The following SNX8 variants were observed in gnomAD, a reference collection of about 807,000 sequenced individuals.
The protein encoded by SNX8 is sorting nexin-8.
A neutral mutation model predicts 51.6 loss-of-function variants in SNX8; 25 were observed. The observed-to-expected ratio is 0.48, with a 90% CI of 0.35 to 0.68. SNX8 has a LOEUF of 0.68. Among genes scored for constraint, SNX8 ranks in the 30% least tolerant of loss-of-function variants. The pLI, the probability that SNX8 is intolerant of heterozygous loss-of-function variation, is 0.00. For missense variants in SNX8, 695 were observed against 624.0 expected, an observed-to-expected ratio of 1.11 and a Z score of -1.21; for synonymous variants, 324 against 277.0, an observed-to-expected ratio of 1.17 and a Z score of -1.68.
At chr7:2,266,473 A>G (rs1015802948) in intron 5 of SNX8, among the ~76,000 whole-genome samples, 2 of 151,994 alleles carry the variant, frequency 1.3e-5, no homozygotes, top group Non-Finnish European at 2.9e-5. Context: ...CAGCCTCCTG[A>G]GTAGCTGGAA....
chr7:2,281,893 C>T (rs1395018193), intron 1 of SNX8, among the ~76,000 whole-genome samples: 1 of 152,164 alleles, frequency 6.6e-6, no homozygotes, highest in Non-Finnish European at 1.5e-5. Flanking sequence ...CCTGATACTA[C>T]AGCAACCCCC....
intron 1 of SNX8, among the ~76,000 whole-genome samples, chr7:2,290,054 G>A (rs965628573): frequency 1.3e-5 from 2 of 152,072 alleles, no homozygotes; most frequent in Non-Finnish European, 2.9e-5. Flanking sequence ...TTAGCCGGGC[G>A]TGGTGGTGCG....
chr7:2,347,480 C>CAAAA (rs749495262), intron 1 of SNX8, among the ~76,000 whole-genome samples: 3 of 39,332 alleles, frequency 7.6e-5, no homozygotes, highest in Non-Finnish European at 1.5e-4. Flanking sequence ...GATGCTGTCT[C>CAAAA]AAAAAAAAAA....
chr7:2,327,907 G>A (rs1778655391), intron 1 of SNX8, among the ~76,000 whole-genome samples: 1 of 152,046 alleles, frequency 6.6e-6, no homozygotes, highest in Non-Finnish European at 1.5e-5. Context: ...TTGTCACCCA[G>A]GCTGGAGTGC....
At chr7:2,326,280 G>A (rs189966024) in intron 1 of SNX8, among the ~76,000 whole-genome samples, 64 of 152,146 alleles carry the variant, frequency 4.2e-4, no homozygotes, top group East Asian at 2.1e-3. Flanking sequence ...CAAGAGGATC[G>A]CTCGAACCAG....
At chr7:2,327,751 C>G (rs62442558) in intron 1 of SNX8, among the ~76,000 whole-genome samples, 4 of 151,746 alleles carry the variant, frequency 2.6e-5, no homozygotes, top group Non-Finnish European at 4.4e-5. Flanking sequence ...ACCGTGTTAG[C>G]CAGGATGGTC....
intron 1 of SNX8, among the ~76,000 whole-genome samples, chr7:2,343,712 G>C (rs979327425): frequency 8.6e-5 from 13 of 151,896 alleles, no homozygotes; most frequent in Non-Finnish European, 2.9e-5. Flanking sequence ...TCTTCCCACT[G>C]TAGAAGGTAA....
upstream of SNX8, among the ~76,000 whole-genome samples, chr7:2,315,782 T>C (rs1322115832): frequency 1.3e-5 from 2 of 150,372 alleles, no homozygotes; most frequent in Non-Finnish European, 3.0e-5. Context: ...ATTCATTCAC[T>C]CACTGCATCC....
intron 5 of SNX8, among the ~76,000 whole-genome samples, chr7:2,266,165 T>A (rs185237053): frequency 4.6e-5 from 7 of 152,168 alleles, no homozygotes; most frequent in African/African-American, 1.7e-4. Flanking sequence ...AGAAGCAGGT[T>A]TTTTTCTGGT....
chr7:2,331,502 A>G (rs1029920315), intron 1 of SNX8, among the ~76,000 whole-genome samples: 7 of 151,846 alleles, frequency 4.6e-5, no homozygotes, highest in Non-Finnish European at 1.0e-4. Context: ...TCAGGAGATC[A>G]AGACCATCCT....
chr7:2,314,035 G>A (rs968987333), intron 1 of SNX8, among the ~76,000 whole-genome samples: 1 of 152,240 alleles, frequency 6.6e-6, no homozygotes, highest in Non-Finnish European at 1.5e-5. Flanking sequence ...GCCTCTGAGA[G>A]CCCCGGGAAA....
At chr7:2,275,015 C>G in intron 3 of SNX8, 97 bp downstream of exon 3, 2 of 843,600 alleles carry the variant, frequency 2.4e-6, no homozygotes, top group Non-Finnish European at 4.1e-6. Context: ...TGCACCTGCC[C>G]CGGTCTACAG....
intron 1 of SNX8, among the ~76,000 whole-genome samples, chr7:2,293,160 T>G (rs1180772837): frequency 2.7e-5 from 4 of 148,808 alleles, no homozygotes; most frequent in South Asian, 2.2e-4. Flanking sequence ...ATAGCACTTT[T>G]GGGAGGCTGA....
At chr7:2,338,829 G>A (rs980322291) in intron 1 of SNX8, among the ~76,000 whole-genome samples, 8 of 152,190 alleles carry the variant, frequency 5.3e-5, no homozygotes, top group Non-Finnish European at 7.4e-5. Context: ...TTGGGAGGCC[G>A]AGGCAGAAGG....
chr7:2,351,056 G>A (rs1779127899), intron 1 of SNX8, among the ~76,000 whole-genome samples: 1 of 152,106 alleles, frequency 6.6e-6, no homozygotes, highest in African/African-American at 2.4e-5. Context: ...GTTTGAGGCT[G>A]CAGTGAGCCA....
At chr7:2,352,119 G>A (rs1464014372) in intron 1 of SNX8, among the ~76,000 whole-genome samples, 1 of 151,748 alleles carries the variant, frequency 6.6e-6, no homozygotes, top group African/African-American at 2.4e-5. Context: ...TGTTGTTCAG[G>A]CTGGTCTCGA....
At chr7:2,334,594 T>C (rs1331749712) in intron 1 of SNX8, among the ~76,000 whole-genome samples, 1 of 150,824 alleles carries the variant, frequency 6.6e-6, no homozygotes, top group Admixed American at 6.6e-5. Context: ...TCTCAGCTAC[T>C]TGGGGGCTGA....
intron 1 of SNX8, among the ~76,000 whole-genome samples, chr7:2,320,069 A>G (rs1462268112): frequency 6.6e-6 from 1 of 151,952 alleles, no homozygotes; most frequent in Non-Finnish European, 1.5e-5. Context: ...TACATTTTAC[A>G]TGTGAGGCCA....
chr7:2,352,915 G>A (rs576149947), intron 1 of SNX8, among the ~76,000 whole-genome samples: 2 of 152,222 alleles, frequency 1.3e-5, no homozygotes, highest in South Asian at 4.2e-4. Context: ...CCTGCCCAAA[G>A]ATACACCACT....
Sources: gnomAD v4.1 joint callset for allele counts (sites outside exome capture counted in the v4.1 genomes callset) on GRCh38, gnomAD v4.1.1 for gene constraint, MANE v1.5 for transcripts, NCBI Gene and HGNC (gene_info 2026-07-23, HGNC 2026-07-21) for gene names.